ZNF578: variants seen among roughly 807,000 people sequenced by gnomAD.
ZNF578 encodes the protein zinc finger protein 578, also known as Putative chemokine-related protein B42.
Under a neutral mutation model 8.3 loss-of-function variants are expected in ZNF578, and 8 were observed. The ratio of observed to expected loss-of-function variants is 0.96; its 90% CI spans 0.56 to 1.74. The LOEUF (loss-of-function observed/expected upper bound fraction) is 1.74. Ranked by LOEUF, ZNF578 falls within the 40% of genes most tolerant of loss-of-function variation. The probability of loss-of-function intolerance (pLI) is 0.00; values close to 1 mark genes in which losing one functional copy is unlikely to be tolerated. For synonymous variants in ZNF578, 206 were observed against 232.2 expected (o/e 0.89, Z 1.03); for missense variants, 726 against 707.5 (o/e 1.03, Z -0.30).
Position 52,458,482 on chromosome 19 carries a change from A to ATATATATATATATATT in ZNF578, c.-122+1525_-122+1526insATATATATATATATTT, listed in dbSNP as rs1386192380. 3.4e-5 allele frequency: 5 copies of ATATATATATATATATT among 145,482 alleles called. No homozygotes were observed. In the East Asian group the frequency reaches 7.8e-4, roughly 23 times the overall value. 9.0% of individuals were successfully genotyped at this position (145,482 alleles called of 1,614,324 possible). On this transcript the variant is annotated intron_variant, in intron 2 of 5. Transcript: ENST00000421239. ...TGCTACTATGTTTATATATATATAT[A>ATATATATATATATATT]TTTTGAAAATCTGGGAAAAATGACA...
At chr19:52,507,334 G>A (rs542852833) in intron 5 of ZNF578, among the ~76,000 whole-genome samples, 18 of 152,250 alleles carry the variant, frequency 1.2e-4, no homozygotes, top group African/African-American at 4.3e-4. Context: ...GGTGCAGTGA[G>A]CCATGATCAC....
In ZNF578 at chr19:52,512,323, C is replaced by T. The variant is rs1156515127; in HGVS notation, c.*169C>T. On this transcript the variant is annotated 3_prime_UTR_variant, in exon 6 of 6. Coordinates refer to ENST00000421239, the MANE Select transcript of ZNF578 (RefSeq NM_001099694.2). ...AGTCAACACTTACCATCAGGCCATT[C>T]ATGGTGTAGGGAAACTTGACTAATG... is the stretch of plus-strand genomic sequence containing the variant. 6.5e-7 allele frequency: 1 copy of T among 1,538,206 alleles called. No homozygotes were observed. The highest frequency in any genetic ancestry group is 1.4e-5 in the African/African-American group (1 of 73,256).
intron 4 of ZNF578, among the ~76,000 whole-genome samples, chr19:52,502,412 C>A (rs542204682): frequency 1.6e-4 from 24 of 152,314 alleles, no homozygotes; most frequent in African/African-American, 5.3e-4. Context: ...CAAGATGTCT[C>A]TGTCTCCAAA....
In ZNF578 at chr19:52,512,165, G is replaced by A. The variant is rs1484373134; in HGVS notation, c.*11G>A. On this transcript the variant is annotated 3_prime_UTR_variant, in exon 6 of 6. Coordinates refer to ENST00000421239, the MANE Select transcript of ZNF578 (RefSeq NM_001099694.2). The stretch of plus-strand genomic sequence containing the variant: ...TGCATGTCATCATAGACTTCATACT[G>A]GAGAGAAACCTTACAAATGTGAAGC... 12 of 1,613,684 alleles carry A rather than the reference G, an allele frequency of 7.4e-6. No homozygotes were observed. Among genetic ancestry groups the A allele is most frequent in the South Asian group, 1.1e-5 (1 of 91,050 alleles).
At chr19:52,505,266 T>C (rs2059421708) in intron 5 of ZNF578, among the ~76,000 whole-genome samples, 1 of 152,098 alleles carries the variant, frequency 6.6e-6, no homozygotes, top group South Asian at 2.1e-4. Context: ...CTAATGATCA[T>C]CTTCTCTAAG....
In ZNF578 at chr19:52,516,803, C is replaced by T. The variant is rs1333114244; in HGVS notation, c.*4649C>T. 1.3e-5 allele frequency among the ~76,000 whole-genome samples: 2 copies of T among 152,212 alleles called. No individual in the cohort carries two copies. Among genetic ancestry groups the T allele is most frequent in the Admixed American group, 1.3e-4 (2 of 15,280 alleles). ...AAGCTACAAGAACTAATGATAATCC[C>T]ACCATACTTTGCTGACTCTCTTTTC... On this transcript the variant is annotated 3_prime_UTR_variant, in exon 6 of 6. Coordinates refer to ENST00000421239, the MANE Select transcript of ZNF578 (RefSeq NM_001099694.2).
rs144052961 is a variant in ZNF578, at chr19:52,499,146, T to C, written c.-19-2681T>C. On this transcript the variant is annotated intron_variant, in intron 3 of 5. Coordinates refer to ENST00000421239, the MANE Select transcript of ZNF578 (RefSeq NM_001099694.2). ...AGCCTTAGTGAGCCCACCTGTAACA[T>C]AGAGGTGAGGAATAAGATCAGAAAA... Among the ~76,000 whole-genome samples the C allele has an allele frequency of 1.4e-3, 211 of 152,270 alleles. 2 individuals are homozygous for C. In the East Asian group the frequency reaches 0.027, roughly 19 times the overall value.
intron 2 of ZNF578, among the ~76,000 whole-genome samples, chr19:52,476,511 G>A (rs961622316): frequency 3.9e-5 from 6 of 152,056 alleles, no homozygotes; most frequent in Admixed American, 6.6e-5. Flanking sequence ...TTCTCATATC[G>A]GGTTAGGAGT....
rs373146879 is a variant in ZNF578 at position 52,511,466 on chromosome 19, G to C, written c.1085G>C (p.Arg362Pro). 52 of 1,613,838 alleles carry C rather than the reference G, an allele frequency of 3.2e-5. No individual in the cohort carries two copies. Among genetic ancestry groups the C allele is most frequent in the Non-Finnish European group, 2.5e-6 (3 of 1,179,938 alleles). ...FSYKSSLRCH[R>P]RLHTGIKPYK... ...TACAAGTCATCCCTTAGATGCCATC[G>C]TAGACTTCATACTGGAATAAAACCT... The change falls in exon 6 of 6, where the codon CGT (arginine) becomes CCT (proline). Residue 362 changes from arginine to proline, a missense_variant. Physicochemically the swap from Arg to Pro is moderately radical, Grantham distance 103. Coordinates refer to ENST00000421239, the MANE Select transcript of ZNF578 (RefSeq NM_001099694.2).
At position 52,511,596 on chromosome 19, in the gene ZNF578, C is replaced by A. The variant is rs753928658; in HGVS notation, c.1215C>A (p.Gly405=). Residue 405 remains glycine, a synonymous_variant, in exon 6 of 6, where the codon GGC becomes GGA. Coordinates refer to ENST00000421239, the MANE Select transcript of ZNF578 (RefSeq NM_001099694.2). Reference sequence around the variant, plus strand: ...AACCTTACAAGTGTAATGAATGTGGCAAGGCTTTTAATCAACAATCACACC... The same window carrying A: ...AACCTTACAAGTGTAATGAATGTGGAAAGGCTTTTAATCAACAATCACACC... The part of the protein sequence containing the change: ...GEKPYKCNEC[G]KAFNQQSHLS... The A allele has an allele frequency of 9.9e-6, 16 of 1,613,032 alleles. No homozygotes were observed. Among genetic ancestry groups the A allele is most frequent in the Non-Finnish European group, 1.3e-5 (15 of 1,179,138 alleles).
intron 2 of ZNF578, among the ~76,000 whole-genome samples, chr19:52,462,453 G>T (rs1489451962): frequency 6.6e-6 from 1 of 152,072 alleles, no homozygotes; most frequent in Admixed American, 6.6e-5. Flanking sequence ...CTCAACTGGG[G>T]GTTCCAACAA....
intron 2 of ZNF578, among the ~76,000 whole-genome samples, chr19:52,470,104 C>T (rs2059287485): frequency 6.6e-6 from 1 of 152,184 alleles, no homozygotes. Context: ...CCCTACCCCT[C>T]ATGGTGGCAA....
intron 2 of ZNF578, among the ~76,000 whole-genome samples, chr19:52,462,584 G>T (rs568624414): frequency 4.6e-5 from 7 of 152,302 alleles, no homozygotes; most frequent in African/African-American, 1.7e-4. Flanking sequence ...CCACGATGAG[G>T]TTACTCGAGT....
chr19:52,503,317 A>G (rs1259411662), intron 4 of ZNF578, among the ~76,000 whole-genome samples: 1 of 152,122 alleles, frequency 6.6e-6, no homozygotes, highest in Admixed American at 6.6e-5. Context: ...AATTGCTGGC[A>G]TTCCAAATGG....
chr19:52,494,410 T>C (rs2059378516), intron 3 of ZNF578, among the ~76,000 whole-genome samples: 1 of 152,088 alleles, frequency 6.6e-6, no homozygotes. Flanking sequence ...GGCTGGAGGA[T>C]CACTTGAGCC....
At chr19:52,457,792 C>A (rs2059244074) in intron 2 of ZNF578, 2 of 152,940 alleles carry the variant, frequency 1.3e-5, no homozygotes, top group African/African-American at 4.8e-5. Flanking sequence ...AGAGCTTTTC[C>A]CTGTACACAT....
rs2059453537 is a variant in ZNF578, at chr19:52,512,565, T to C, written c.*411T>C. Reference sequence around the variant, plus strand: ...GTCAAGCTTCATCCTATGCAAAACATAGGAGAATTCATGCAGGAGAGAAAT... The same window carrying C: ...GTCAAGCTTCATCCTATGCAAAACACAGGAGAATTCATGCAGGAGAGAAAT... On this transcript the variant is annotated 3_prime_UTR_variant, in exon 6 of 6. Coordinates refer to ENST00000421239, the MANE Select transcript of ZNF578 (RefSeq NM_001099694.2). Among the ~76,000 whole-genome samples, 1 of 152,056 alleles carries C rather than the reference T, an allele frequency of 6.6e-6. No homozygotes were observed. Among genetic ancestry groups the C allele is most frequent in the Non-Finnish European group, 1.5e-5 (1 of 68,022 alleles).
chr19:52,502,719 G>A (rs1017155169), intron 4 of ZNF578, among the ~76,000 whole-genome samples: 7 of 152,026 alleles, frequency 4.6e-5, no homozygotes, highest in African/African-American at 1.4e-4. Flanking sequence ...CCTGGGAAAC[G>A]GAGCAAGACT....
rs143811534 is a variant in ZNF578 at position 52,496,325 on chromosome 19, G to GTTATTTATTTATTTATTTATTTAT, written c.-20+4922_-20+4923insATTTATTTATTTATTTATTTATTT. On this transcript the variant is annotated intron_variant, in intron 3 of 5. Transcript: ENST00000421239. The stretch of plus-strand genomic sequence containing the variant: ...GCCACCACGCTCGGCCTCATTTGTT[G>GTTATTTATTTATTTATTTATTTAT]TTATTTATTTATTTATTTATTTGAG... Among the ~76,000 whole-genome samples the GTTATTTATTTATTTATTTATTTAT allele has an allele frequency of 1.3e-3, 189 of 146,194 alleles. 1 individual carries two copies. Among genetic ancestry groups the GTTATTTATTTATTTATTTATTTAT allele is most frequent in the Non-Finnish European group, 1.7e-3 (111 of 66,370 alleles).
Sources: allele counts gnomAD v4.1 joint callset (sites outside exome capture counted in the v4.1 genomes callset), GRCh38; gene constraint gnomAD v4.1.1; transcripts MANE v1.5; gene names NCBI Gene and HGNC (gene_info 2026-07-23, HGNC 2026-07-21).